Variants in ADGRB3 observed in about 807,000 individuals in gnomAD.
ADGRB3 encodes the protein adhesion G protein-coupled receptor B3.
Under a neutral mutation model 193.4 loss-of-function variants are expected in ADGRB3, and 37 were observed. The ratio of observed to expected loss-of-function variants is 0.19; its 90% confidence interval spans 0.15 to 0.25. The LOEUF (loss-of-function observed/expected upper bound fraction) is 0.25. Ranked by LOEUF, ADGRB3 falls within the 10% of genes least tolerant of loss-of-function variation. The pLI is 1.00. For synonymous variants in ADGRB3, 690 were observed against 644.2 expected (o/e 1.07, Z -1.08); for missense variants, 1,637 against 1,852.9 (o/e 0.88, Z 2.14).
intron 26 of ADGRB3, among the ~76,000 whole-genome samples, chr6:69,350,797 C>T (rs1769205063): frequency 6.6e-6 from 1 of 151,400 alleles, no homozygotes; most frequent in South Asian, 2.1e-4. Context: ...TTTGCGTTTT[C>T]TGCTTGTTTG....
At chr6:69,153,180 A>G (rs1774728179) in intron 17 of ADGRB3, among the ~76,000 whole-genome samples, 1 of 152,152 alleles carries the variant, frequency 6.6e-6, no homozygotes, top group Non-Finnish European at 1.5e-5. Flanking sequence ...AAAGTAAGAA[A>G]AGTTTTTAGA....
chr6:69,227,363 CTGAG>C (rs1453824327), intron 17 of ADGRB3, among the ~76,000 whole-genome samples: 1 of 152,148 alleles, frequency 6.6e-6, no homozygotes, highest in African/African-American at 2.4e-5. Context: ...GTCTTTTACT[CTGAG>C]TGAGATCAGA....
intron 3 of ADGRB3, among the ~76,000 whole-genome samples, chr6:68,814,859 C>T (rs1373038705): frequency 6.6e-6 from 1 of 152,118 alleles, no homozygotes; most frequent in Admixed American, 6.6e-5. Flanking sequence ...TGTAATCCAG[C>T]ATATAATCAG....
intron 20 of ADGRB3, among the ~76,000 whole-genome samples, chr6:69,246,118 G>C (rs1031456447): frequency 6.6e-6 from 1 of 152,074 alleles, no homozygotes; most frequent in African/African-American, 2.4e-5. Context: ...TTAAGGAAAT[G>C]CTGAAAACTA....
intron 28 of ADGRB3, among the ~76,000 whole-genome samples, chr6:69,359,822 A>T (rs930213155): frequency 1.3e-5 from 2 of 151,890 alleles, no homozygotes; most frequent in African/African-American, 4.8e-5. Context: ...AACTTCGCAC[A>T]GCGCTATTCT....
chr6:69,386,293 C>A (rs1770068190), intron 31 of ADGRB3, among the ~76,000 whole-genome samples: 1 of 151,924 alleles, frequency 6.6e-6, no homozygotes, highest in African/African-American at 2.4e-5. Flanking sequence ...TAATGGAGCC[C>A]CTATATATTC....
At chr6:68,687,124 A>G (rs1764997129) in intron 3 of ADGRB3, among the ~76,000 whole-genome samples, 1 of 151,940 alleles carries the variant, frequency 6.6e-6, no homozygotes, top group Non-Finnish European at 1.5e-5. Context: ...TTTTTCTCAT[A>G]TATAGAGAAA....
intron 3 of ADGRB3, among the ~76,000 whole-genome samples, chr6:68,907,364 G>A (rs1766577711): frequency 6.6e-6 from 1 of 151,492 alleles, no homozygotes. Context: ...TTTTTTCATT[G>A]TTTGTTGTAT....
intron 3 of ADGRB3, among the ~76,000 whole-genome samples, chr6:68,693,949 A>C (rs1561996659): frequency 6.6e-6 from 1 of 152,008 alleles, no homozygotes; most frequent in African/African-American, 2.4e-5. Context: ...GAGTTTCATA[A>C]AACTAAGTAA....
intron 17 of ADGRB3, among the ~76,000 whole-genome samples, chr6:69,168,044 G>T (rs1240405019): frequency 6.6e-6 from 1 of 152,174 alleles, no homozygotes; most frequent in Admixed American, 6.5e-5. Flanking sequence ...TAAGTCTCTG[G>T]AATTTGGATG....
intron 20 of ADGRB3, among the ~76,000 whole-genome samples, chr6:69,255,406 G>C (rs1388139621): frequency 6.6e-6 from 1 of 152,180 alleles, no homozygotes; most frequent in Non-Finnish European, 1.5e-5. Flanking sequence ...CATTCTAACT[G>C]GTGTGAGATG....
chr6:68,716,937 T>G (rs1765498828), intron 3 of ADGRB3, among the ~76,000 whole-genome samples: 2 of 151,670 alleles, frequency 1.3e-5, no homozygotes, highest in African/African-American at 2.4e-5. Flanking sequence ...ATTATAGGAT[T>G]TATTAATATT....
At position 68,936,346 on chromosome 6, in the gene ADGRB3, T is replaced by C. The variant is rs181099370; in HGVS notation, c.869-173T>C. ...ACTTGGTGTTTGCATCAGCATTATA[T>C]GCATTCGTCTTTAAACTTCATTTTC... On this transcript the variant is annotated intron_variant, in intron 4 of 31. Transcript: ENST00000370598. Among the ~76,000 whole-genome samples, 55 of 152,354 alleles carry C rather than the reference T, an allele frequency of 3.6e-4. 1 individual carries two copies. The highest frequency in any genetic ancestry group is 1.3e-3 in the Admixed American group (20 of 15,304).
At chr6:68,738,369 A>G (rs2127338705) in intron 3 of ADGRB3, among the ~76,000 whole-genome samples, 1 of 152,120 alleles carries the variant, frequency 6.6e-6, no homozygotes, top group South Asian at 2.1e-4. Flanking sequence ...TCTGTCAAAG[A>G]GTGACATTAT....
intron 6 of ADGRB3, among the ~76,000 whole-genome samples, chr6:68,946,829 C>T (rs188753488): frequency 4.0e-3 from 608 of 152,078 alleles, no homozygotes; most frequent in Non-Finnish European, 5.0e-3. Context: ...ACCACTCTAG[C>T]GAAATAGACA....
intron 17 of ADGRB3, among the ~76,000 whole-genome samples, chr6:69,190,948 A>T (rs1765173058): frequency 1.7e-5 from 1 of 59,672 alleles, no homozygotes; most frequent in African/African-American, 1.2e-4. Context: ...TATGTACCCC[A>T]GGTTTGTATT....
intron 17 of ADGRB3, among the ~76,000 whole-genome samples, chr6:69,207,343 C>T (rs1035157740): frequency 6.6e-6 from 1 of 152,182 alleles, no homozygotes; most frequent in Non-Finnish European, 1.5e-5. Context: ...CCTTTTGGGT[C>T]AGTTGATAAA....
At chr6:69,014,268 A>G (rs767638084) in intron 12 of ADGRB3, among the ~76,000 whole-genome samples, 162 bp downstream of exon 12, 16 of 152,114 alleles carry the variant, frequency 1.1e-4, no homozygotes, top group Non-Finnish European at 2.2e-4. Context: ...TTACCATACC[A>G]GTCTGGAAGG....
chr6:69,209,866 T>C (rs1483589053), intron 17 of ADGRB3, among the ~76,000 whole-genome samples: 1 of 152,032 alleles, frequency 6.6e-6, no homozygotes, highest in Non-Finnish European at 1.5e-5. Context: ...CAAATTCATT[T>C]ATTTTGCATA....
Sources: gnomAD v4.1 joint callset for allele counts (sites outside exome capture counted in the v4.1 genomes callset) on GRCh38, gnomAD v4.1.1 for gene constraint, MANE v1.5 for transcripts, NCBI Gene and HGNC (gene_info 2026-07-23, HGNC 2026-07-21) for gene names.